IMMP2L: variants seen among roughly 807,000 people sequenced by gnomAD.
IMMP2L encodes mitochondrial inner membrane protease subunit 2.
A neutral mutation model predicts 19.3 loss-of-function variants in IMMP2L; 18 were observed. That is an observed-to-expected ratio of 0.93 (90% CI 0.64 to 1.38). The LOEUF (loss-of-function observed/expected upper bound fraction) is 1.38, where lower values mean the gene tolerates loss of function less well. Among genes scored for constraint, IMMP2L ranks in the 40% most tolerant of loss-of-function variants. The pLI, the probability that IMMP2L is intolerant of heterozygous loss-of-function variation, is 0.00. For synonymous variants in IMMP2L, 76 were observed against 73.0 expected, an observed-to-expected ratio of 1.04 and a Z score of -0.21; for missense variants, 233 against 218.2, an observed-to-expected ratio of 1.07 and a Z score of -0.43.
At chr7:111,551,803 G>T (rs1411024001) in intron 1 of IMMP2L, among the ~76,000 whole-genome samples, 1 of 152,068 alleles carries the variant, frequency 6.6e-6, no homozygotes, top group Non-Finnish European at 1.5e-5. Flanking sequence ...AAGCACCAGT[G>T]AAGTACAAAG....
chr7:111,357,033 A>C (rs745731248), intron 3 of IMMP2L, among the ~76,000 whole-genome samples: 1 of 152,120 alleles, frequency 6.6e-6, no homozygotes, highest in African/African-American at 2.4e-5. Context: ...AAAAAAAAGC[A>C]CATATATGCA....
intron 3 of IMMP2L, among the ~76,000 whole-genome samples, chr7:111,398,408 C>T (rs1252842792): frequency 1.3e-5 from 2 of 151,970 alleles, no homozygotes; most frequent in African/African-American, 4.8e-5. Context: ...AAGAAGTATT[C>T]GACAAAATCC....
chr7:111,299,911 G>A (rs773235669), intron 3 of IMMP2L, among the ~76,000 whole-genome samples: 3 of 134,278 alleles, frequency 2.2e-5, no homozygotes, highest in African/African-American at 8.7e-5. Flanking sequence ...CCTTGCTGAC[G>A]AAATTGCAGT....
chr7:111,013,407 T>A (rs973903420), intron 3 of IMMP2L, among the ~76,000 whole-genome samples: 6 of 152,078 alleles, frequency 3.9e-5, no homozygotes, highest in Non-Finnish European at 7.4e-5. Flanking sequence ...AAAGTAGCAA[T>A]AAGGACAGAA....
intron 3 of IMMP2L, among the ~76,000 whole-genome samples, chr7:111,336,949 C>T (rs1449763374): frequency 6.6e-6 from 1 of 151,698 alleles, no homozygotes; most frequent in African/African-American, 2.4e-5. Flanking sequence ...GAAAATAGTG[C>T]CAAACACAGA....
At chr7:111,154,880 C>T (rs1340315339) in intron 3 of IMMP2L, among the ~76,000 whole-genome samples, 2 of 152,066 alleles carry the variant, frequency 1.3e-5, no homozygotes, top group African/African-American at 4.8e-5. Context: ...GCATCAGCCT[C>T]CCAACTAGCT....
chr7:110,882,727 C>A (rs1809817423), intron 5 of IMMP2L, among the ~76,000 whole-genome samples: 1 of 151,914 alleles, frequency 6.6e-6, no homozygotes, highest in East Asian at 1.9e-4. Flanking sequence ...ATCCTTCCTG[C>A]AACTCCAAGA....
intron 4 of IMMP2L, among the ~76,000 whole-genome samples, chr7:110,904,279 G>C (rs1812226051): frequency 6.6e-6 from 1 of 151,954 alleles, no homozygotes; most frequent in Non-Finnish European, 1.5e-5. Flanking sequence ...GTTTATTTTT[G>C]TTTTCATTGA....
intron 4 of IMMP2L, among the ~76,000 whole-genome samples, chr7:110,928,794 G>C (rs1815159418): frequency 6.6e-6 from 1 of 152,086 alleles, no homozygotes; most frequent in Admixed American, 6.6e-5. Flanking sequence ...TCCTTTTTCA[G>C]GTCTTCTAAG....
chr7:111,273,077 A>C (rs1328697610), intron 3 of IMMP2L, among the ~76,000 whole-genome samples: 2 of 152,126 alleles, frequency 1.3e-5, no homozygotes, highest in East Asian at 3.9e-4. Context: ...CAGGAGTTCA[A>C]GACCAGCCTG....
intron 3 of IMMP2L, among the ~76,000 whole-genome samples, chr7:111,434,756 G>C (rs1299237326): frequency 6.6e-6 from 1 of 151,720 alleles, no homozygotes; most frequent in East Asian, 1.9e-4. Flanking sequence ...GTTTTAACAT[G>C]TTGGTCAGGC....
intron 3 of IMMP2L, among the ~76,000 whole-genome samples, chr7:111,215,071 A>C (rs1811792304): frequency 6.6e-6 from 1 of 152,220 alleles, no homozygotes; most frequent in Non-Finnish European, 1.5e-5. Flanking sequence ...GAATTCAGAT[A>C]CCAGTTTGCC....
At chr7:110,705,012 T>A (rs1033454071) in intron 5 of IMMP2L, among the ~76,000 whole-genome samples, 1 of 152,190 alleles carries the variant, frequency 6.6e-6, no homozygotes, top group Admixed American at 6.5e-5. Flanking sequence ...AAGTTAGTCA[T>A]CATTTTTATA....
At chr7:111,046,120 T>C (rs74951200) in intron 3 of IMMP2L, among the ~76,000 whole-genome samples, 5,345 of 151,574 alleles carry the variant, frequency 0.035, 134 homozygotes, top group South Asian at 0.076. Context: ...TAAAACATAA[T>C]TCAAACAAAT....
At chr7:111,198,478 A>G (rs1809738998) in intron 3 of IMMP2L, among the ~76,000 whole-genome samples, 1 of 152,108 alleles carries the variant, frequency 6.6e-6, no homozygotes, top group Admixed American at 6.5e-5. Flanking sequence ...AGTTCCTACA[A>G]CATGGGTGTA....
intron 3 of IMMP2L, among the ~76,000 whole-genome samples, chr7:111,101,725 G>A (rs189838615): frequency 2.0e-5 from 3 of 151,536 alleles, no homozygotes; most frequent in African/African-American, 7.2e-5. Context: ...ATAGCTAAAT[G>A]AGTTAGGGGT....
intron 3 of IMMP2L, among the ~76,000 whole-genome samples, chr7:111,235,333 T>C (rs1814169562): frequency 6.6e-6 from 1 of 151,916 alleles, no homozygotes; most frequent in Non-Finnish European, 1.5e-5. Context: ...TAGCCGAGCG[T>C]GGTGGTGGGC....
intron 3 of IMMP2L, among the ~76,000 whole-genome samples, chr7:111,170,465 A>C (rs1806308295): frequency 6.6e-6 from 1 of 151,922 alleles, no homozygotes; most frequent in African/African-American, 2.4e-5. Context: ...AGATGGCTGT[A>C]GCCAGAATAG....
chr7:111,514,987 C>T (rs977008394), intron 2 of IMMP2L, among the ~76,000 whole-genome samples: 3 of 152,004 alleles, frequency 2.0e-5, no homozygotes, highest in African/African-American at 7.2e-5. Flanking sequence ...TTTCATTCTC[C>T]TCTCTTTCTT....
Sources: allele counts gnomAD v4.1 joint callset (sites outside exome capture counted in the v4.1 genomes callset), GRCh38; gene constraint gnomAD v4.1.1; transcripts MANE v1.5; gene names NCBI Gene and HGNC (gene_info 2026-07-23, HGNC 2026-07-21).